Variants in PER3 observed in about 807,000 individuals in gnomAD.
PER3 encodes the protein period circadian regulator 3.
A neutral mutation model predicts 127.2 loss-of-function variants in PER3; 107 were observed. The ratio of observed to expected loss-of-function variants is 0.84; its 90% CI spans 0.72 to 0.99. The LOEUF (loss-of-function observed/expected upper bound fraction) is 0.99, where lower values mean the gene tolerates loss of function less well. Ranked by LOEUF, PER3 falls within the 50% of genes least tolerant of loss-of-function variation. The probability of loss-of-function intolerance (pLI) is 0.00; values close to 1 mark genes in which losing one functional copy is unlikely to be tolerated. For missense variants in PER3, 1,560 were observed against 1,525.8 expected, an observed-to-expected ratio of 1.02 and a Z score of -0.37; for synonymous variants, 618 against 585.8, an observed-to-expected ratio of 1.05 and a Z score of -0.79.
chr1:7,842,565 A>T, intron 21 of PER3, 107 bp from the exon 22 acceptor site: 3 of 1,206,090 alleles, frequency 2.5e-6, no homozygotes, highest in Non-Finnish European at 3.3e-6. Context: ...ATTTTCAGAC[A>T]TGAATAAGTT....
intron 7 of PER3, among the ~76,000 whole-genome samples, chr1:7,800,228 CTT>C: frequency 8.2e-6 from 1 of 122,100 alleles, no homozygotes; most frequent in East Asian, 2.1e-4. Flanking sequence ...TTTTTTTTTT[CTT>C]GAGTCTCGCT....
At chr1:7,823,572 G>A (rs2097287711) in intron 16 of PER3, among the ~76,000 whole-genome samples, 1 of 151,914 alleles carries the variant, frequency 6.6e-6, no homozygotes, top group African/African-American at 2.4e-5. Flanking sequence ...AACCTGGGAG[G>A]TGGAGGTTGC....
chr1:7,810,538 C>T lies in PER3; in HGVS notation c.1472C>T (p.Thr491Met), dbSNP rs200378598. 3.5e-5 allele frequency: 56 copies of T among 1,613,662 alleles called. No individual in the cohort carries two copies. The highest frequency in any genetic ancestry group is 5.0e-5 in the Admixed American group (3 of 59,906). The change falls in exon 13 of 22, where the codon ACG becomes ATG. Residue 491 changes from threonine (T) to methionine (M), a missense_variant. By Grantham distance (81) the Thr-to-Met change is moderately conservative (BLOSUM62 -1). Around this residue, in one of 3 missense-constraint regions of PER3, gnomAD observed 1,332 missense variants for 1,223.6 expected, o/e 1.09. Coordinates refer to ENST00000377532, the MANE Select transcript of PER3 (RefSeq NM_001377275.1). ...ACCAAATCATCATTCAAGCCAGTGA[C>T]GGGGACACGCACAGAACCGAATGGT... The part of the protein sequence containing the change: ...SMTKSSFKPV[T>M]GTRTEPNGGG...
chr1:7,840,504 G>A (rs1162833715), intron 21 of PER3, among the ~76,000 whole-genome samples: 3 of 151,964 alleles, frequency 2.0e-5, no homozygotes, highest in South Asian at 2.1e-4. Context: ...TTTTCGTAGA[G>A]ATGGAGTTTT....
In PER3 at chr1:7,784,336, G is replaced by T; in HGVS notation, c.-265G>T. The T allele has an allele frequency of 6.6e-6, 1 of 150,978 alleles. No individual in the cohort carries two copies. Among genetic ancestry groups the T allele is most frequent in the South Asian group, 2.0e-4 (1 of 4,972 alleles). 9.4% of individuals were successfully genotyped at this position (150,978 alleles called of 1,614,324 possible). On this transcript the variant is annotated 5_prime_UTR_variant, in exon 1 of 22. Coordinates refer to ENST00000377532, the MANE Select transcript of PER3 (RefSeq NM_001377275.1). The stretch of plus-strand genomic sequence containing the variant: ...CGAGACTGCGCGAGGGCGGCCCCGG[G>T]GGCGAGCGGCTGTGCGCGGGGCCAA...
At chr1:7,827,866 A>G (rs11590657) in intron 18 of PER3, 51 bp downstream of exon 18, 110,247 of 1,435,898 alleles carry the variant, frequency 0.077, 4,693 homozygotes, top group Middle Eastern at 0.18. Flanking sequence ...ATATCTTACT[A>G]AAGTTAAGGT....
intron 19 of PER3, among the ~76,000 whole-genome samples, chr1:7,834,487 ACT>A (rs2097348362): frequency 6.6e-6 from 1 of 152,026 alleles, no homozygotes; most frequent in African/African-American, 2.4e-5. Flanking sequence ...ACAAGGTGTC[ACT>A]CTGTTACCCA....
intron 4 of PER3, 123 bp from the exon 5 acceptor site, chr1:7,787,922 G>A: frequency 1.4e-6 from 1 of 692,982 alleles, no homozygotes; most frequent in Non-Finnish European, 2.5e-6. Flanking sequence ...TGTTGCATTT[G>A]TAGGTTGTGC....
At chr1:7,835,410 C>T (rs1425304123) in intron 19 of PER3, among the ~76,000 whole-genome samples, 1 of 152,160 alleles carries the variant, frequency 6.6e-6, no homozygotes, top group Non-Finnish European at 1.5e-5. Context: ...GAGGACTCCA[C>T]TACAGGAAGA....
intron 13 of PER3, among the ~76,000 whole-genome samples, chr1:7,812,960 A>T (rs775629216): frequency 5.3e-5 from 8 of 152,258 alleles, no homozygotes; most frequent in Non-Finnish European, 1.0e-4. Flanking sequence ...CTAGAGATGT[A>T]TACCAATGAA....
At chr1:7,785,144 G>T in intron 2 of PER3, 139 bp downstream of exon 2, 1 of 932,934 alleles carries the variant, frequency 1.1e-6, no homozygotes, top group South Asian at 1.6e-5. Context: ...GGCAATGTAG[G>T]ATGAAGTGAT....
intron 21 of PER3, among the ~76,000 whole-genome samples, chr1:7,839,842 T>C (rs917196999): frequency 2.6e-5 from 4 of 152,048 alleles, no homozygotes; most frequent in Admixed American, 6.6e-5. Flanking sequence ...TATTTAATTA[T>C]AGTGTGGATC....
intron 8 of PER3, among the ~76,000 whole-genome samples, chr1:7,802,490 C>T (rs1225218040): frequency 1.3e-5 from 2 of 152,194 alleles, no homozygotes; most frequent in African/African-American, 2.4e-5. Flanking sequence ...GTCTCGAACT[C>T]CTGACCTCAG....
At chr1:7,793,023 T>C (rs2097128988) in intron 5 of PER3, among the ~76,000 whole-genome samples, 1 of 152,250 alleles carries the variant, frequency 6.6e-6, no homozygotes, top group Non-Finnish European at 1.5e-5. Context: ...TATTAATGCT[T>C]TCTGACTCTT....
rs533387146 is a variant in PER3, at chr1:7,838,709, C to T, written c.3549+1560C>T. On this transcript the variant is annotated intron_variant, in intron 21 of 21. Transcript: ENST00000377532. The stretch of plus-strand genomic sequence containing the variant: ...GCCATATGAATTTGACTACTCTGCA[C>T]ACCTCATATGAGTGGAATCATACAT... Among the ~76,000 whole-genome samples the T allele has an allele frequency of 6.6e-5, 10 of 152,300 alleles. No individual in the cohort carries two copies. The South Asian group carries it at 1.9e-3, about 28-fold the overall frequency.
At chr1:7,830,367 G>A (rs1396416542) in intron 19 of PER3, among the ~76,000 whole-genome samples, 3 of 152,132 alleles carry the variant, frequency 2.0e-5, no homozygotes, top group African/African-American at 7.2e-5. Flanking sequence ...AATTCTGACA[G>A]ATGTGTACCT....
rs184678808 is a variant in PER3 at position 7,792,977 on chromosome 1, G to A, written c.593-980G>A. On this transcript the variant is annotated intron_variant, in intron 5 of 21. Transcript: ENST00000377532. ...GCAAACTGACCTCACAGTAGAGGCC[G>A]TTTTCTGTAGAAGATTATACCAATC... Among the ~76,000 whole-genome samples, 241 of 152,290 alleles carry A rather than the reference G, an allele frequency of 1.6e-3. 1 individual carries two copies. Among genetic ancestry groups the A allele is most frequent in the African/African-American group, 5.2e-3 (217 of 41,570 alleles).
intron 19 of PER3, among the ~76,000 whole-genome samples, chr1:7,833,459 A>T (rs2097342433): frequency 6.6e-6 from 1 of 152,216 alleles, no homozygotes; most frequent in Non-Finnish European, 1.5e-5. Flanking sequence ...GTGCATATAC[A>T]CTTGAGATTA....
chr1:7,791,603 T>A (rs947724037), intron 5 of PER3, among the ~76,000 whole-genome samples: 1 of 152,260 alleles, frequency 6.6e-6, no homozygotes, highest in East Asian at 1.9e-4. Flanking sequence ...CAAATTTCTG[T>A]AGCAGGCTTG....
Sources: gnomAD v4.1 joint callset for allele counts (sites outside exome capture counted in the v4.1 genomes callset) on GRCh38, gnomAD v4.1.1 for gene constraint, gnomAD v4.1.1 regional missense constraint, MANE v1.5 for transcripts, NCBI Gene and HGNC (gene_info 2026-07-23, HGNC 2026-07-21) for gene names.